The following FER1L5 variants were observed in gnomAD, a reference collection of about 807,000 sequenced individuals.
FER1L5 encodes fer-1 like family member 5.
Under a neutral mutation model 279.9 loss-of-function variants are expected in FER1L5, and 187 were observed. The observed-to-expected ratio is 0.67, with a 90% CI of 0.59 to 0.75. The LOEUF (loss-of-function observed/expected upper bound fraction) is 0.75, where lower values mean the gene tolerates loss of function less well. Ranked by LOEUF, FER1L5 falls within the 30% of genes least tolerant of loss-of-function variation. The pLI, the probability that FER1L5 is intolerant of heterozygous loss-of-function variation, is 0.00. For missense variants in FER1L5, 2,091 were observed against 2,594.4 expected, an observed-to-expected ratio of 0.81 and a Z score of 4.21; for synonymous variants, 921 against 989.7, an observed-to-expected ratio of 0.93 and a Z score of 1.30.
At position 96,695,867 on chromosome 2, in the gene FER1L5, C is replaced by T; in HGVS notation, c.4020C>T (p.Asp1340=). 1 of 1,613,674 alleles carries T rather than the reference C, an allele frequency of 6.2e-7. No homozygotes were observed. Among genetic ancestry groups the T allele is most frequent in the Admixed American group, 1.7e-5 (1 of 59,976 alleles). The part of the protein sequence containing the change: ...NIDFLQPYFC[D]PWAQDYMHPK... ...ACTTCCTCCAGCCCTACTTCTGTGA[C>T]CCCTGGGCTCAAGACTATATGCACC... Residue 1340 remains aspartate, a synonymous_variant, in exon 36 of 53, where the codon GAC becomes GAT. Coordinates refer to ENST00000624922, the MANE Select transcript of FER1L5 (RefSeq NM_001293083.2).
At chr2:96,697,008 T>C (rs1281902885) in intron 37 of FER1L5, among the ~76,000 whole-genome samples, 3 of 152,232 alleles carry the variant, frequency 2.0e-5, no homozygotes, top group Non-Finnish European at 1.5e-5. Context: ...CCTCCCAAAG[T>C]GCTGAGGTTA....
chr2:96,698,898 C>T lies in FER1L5; in HGVS notation c.4518+66C>T. On this transcript the variant is annotated intron_variant, in intron 41 of 52. Transcript: ENST00000624922. The surrounding 1 kb of genome is among the most constrained non-coding windows in gnomAD (Gnocchi z 5.5). ...TCCCCTCAACCCATCTCTGGGAGCC[C>T]CCTCCGACTGCTGACACACAGAATG... 6.5e-7 allele frequency: 1 copy of T among 1,537,776 alleles called. No individual in the cohort carries two copies. Among genetic ancestry groups the T allele is most frequent in the Non-Finnish European group, 8.8e-7 (1 of 1,135,736 alleles).
At position 96,690,378 on chromosome 2, in the gene FER1L5, G is replaced by C. The variant is rs1035195308; in HGVS notation, c.2641-109G>C. On this transcript the variant is annotated intron_variant, in intron 26 of 52. Coordinates refer to ENST00000624922, the MANE Select transcript of FER1L5 (RefSeq NM_001293083.2). ...GCAAGCACAGTCTGGCCTGGAGTGG[G>C]AGGCTGCTGCGGCCACAGCAGGCAC... The C allele has an allele frequency of 3.2e-6, 3 of 942,940 alleles. No homozygotes were observed. In the African/African-American group the frequency reaches 4.9e-5, roughly 15 times the overall value. 58.4% of individuals were successfully genotyped at this position (942,940 alleles called of 1,614,324 possible). A position where few individuals can be genotyped will look rare whatever the true frequency, so the allele number is the denominator to read the frequency against.
chr2:96,671,697 A>G (rs781655746), intron 18 of FER1L5, among the ~76,000 whole-genome samples: 18 of 152,232 alleles, frequency 1.2e-4, no homozygotes, highest in Non-Finnish European at 2.2e-4. Flanking sequence ...GAGGGAAGCT[A>G]TGAGGATGCC....
chr2:96,688,367 C>T (rs1025387820), intron 24 of FER1L5, among the ~76,000 whole-genome samples: 3 of 152,296 alleles, frequency 2.0e-5, no homozygotes, highest in East Asian at 3.9e-4. Flanking sequence ...CAGCCCGGGA[C>T]CCCTGCAGGC....
intron 32 of FER1L5, 32 bp downstream of exon 32, chr2:96,693,719 G>A (rs2077246358): frequency 6.5e-7 from 1 of 1,540,996 alleles, no homozygotes; most frequent in Non-Finnish European, 8.8e-7. Flanking sequence ...AAGGGGAAGA[G>A]GACCTACCTC....
At chr2:96,697,938 T>TG in intron 39 of FER1L5, 99 bp from the exon 40 acceptor site, 1 of 1,492,380 alleles carries the variant, frequency 6.7e-7, no homozygotes, top group South Asian at 1.3e-5. Context: ...GGCCGCTGAC[T>TG]GCCAGATGCT....
chr2:96,687,314 C>T (rs1239716183), intron 23 of FER1L5, among the ~76,000 whole-genome samples: 1 of 152,262 alleles, frequency 6.6e-6, no homozygotes, highest in African/African-American at 2.4e-5. Context: ...ACGCAAGGCT[C>T]CTTCCATGAC....
chr2:96,673,581 T>G (rs1300191438), intron 19 of FER1L5, among the ~76,000 whole-genome samples: 2 of 152,118 alleles, frequency 1.3e-5, no homozygotes, highest in African/African-American at 4.8e-5. Context: ...CGCATCCATC[T>G]ATTTTTTATC....
intron 8 of FER1L5, 116 bp from the exon 9 acceptor site, chr2:96,654,330 A>G: frequency 2.5e-6 from 1 of 394,568 alleles, no homozygotes; most frequent in Non-Finnish European, 4.5e-6. Flanking sequence ...CTGCCCCATT[A>G]GGAAGCATTC....
rs1573981364 is a variant in FER1L5, at chr2:96,702,972, C to T, written c.5398-6C>T. 2 of 1,609,800 alleles carry T rather than the reference C, an allele frequency of 1.2e-6. No individual in the cohort carries two copies. The highest frequency in any genetic ancestry group is 1.7e-5 in the Admixed American group (1 of 59,530). ...CCGGTAACACGCCCTTCCGCCATTT[C>T]CCCAGGATTACATATGGAGCCTGGA... On this transcript the variant is annotated splice_region_variant and splice_polypyrimidine_tract_variant and intron_variant, in intron 48 of 52. Transcript: ENST00000624922. This position sits in a 1 kb window ranked among gnomAD's most constrained non-coding sequence, Gnocchi z 4.0.
chr2:96,647,805 C>G lies in FER1L5; in HGVS notation c.258C>G (p.Leu86=), dbSNP rs779884686. Residue 86 remains leucine (L), a synonymous_variant, in exon 4 of 53, where the codon CTC becomes CTG. Transcript: ENST00000624922. ...TCATTGGCCTGGCCACAGTACTGCT[C>G]AAGCCATTGTTGAAACAACCAAGTG... ...ERFIGLATVL[L]KPLLKQPSEV... The G allele has an allele frequency of 9.0e-6, 14 of 1,551,720 alleles. No homozygotes were observed. The highest frequency in any genetic ancestry group is 7.1e-5 in the South Asian group (6 of 84,062).
At chr2:96,666,210 G>A (rs559404561) in intron 14 of FER1L5, among the ~76,000 whole-genome samples, 5 of 148,828 alleles carry the variant, frequency 3.4e-5, no homozygotes, top group Non-Finnish European at 4.4e-5. Flanking sequence ...TGGTCAGTCC[G>A]AGGGCCCCAG....
At chr2:96,681,598 T>C (rs190370493) in intron 19 of FER1L5, among the ~76,000 whole-genome samples, 2 of 152,032 alleles carry the variant, frequency 1.3e-5, no homozygotes, top group Admixed American at 1.3e-4. Flanking sequence ...TGATATGATA[T>C]AAAAAATCAT....
intron 14 of FER1L5, among the ~76,000 whole-genome samples, chr2:96,665,921 C>T (rs1214113996): frequency 6.6e-6 from 1 of 152,092 alleles, no homozygotes. Context: ...ACCAATGGCA[C>T]AGGCCAGGCC....
chr2:96,685,447 C>T lies in FER1L5; in HGVS notation c.1895+18C>T. On this transcript the variant is annotated intron_variant, in intron 21 of 52. Transcript: ENST00000624922. ...GACTGCAAGTAGGAGTAGGGGCACTCCGGGATACAGCTGGCCTGGAGCTGA... is the reference window on the plus strand; with the variant it reads ...GACTGCAAGTAGGAGTAGGGGCACTTCGGGATACAGCTGGCCTGGAGCTGA... 1.3e-6 allele frequency: 2 copies of T among 1,544,208 alleles called. No homozygotes were observed. Among genetic ancestry groups the T allele is most frequent in the Non-Finnish European group, 1.8e-6 (2 of 1,142,666 alleles).
chr2:96,693,858 G>C, intron 32 of FER1L5, 53 bp from the exon 33 acceptor site: 2 of 1,504,332 alleles, frequency 1.3e-6, no homozygotes, highest in South Asian at 1.3e-5. Flanking sequence ...AGCCCAGACA[G>C]AGCTGGGCCC....
intron 6 of FER1L5, among the ~76,000 whole-genome samples, chr2:96,651,237 CTCTTTCTTTCTTTCTTTCTTTCTTTCTT>C (rs70964882): frequency 1.3e-4 from 17 of 128,622 alleles, no homozygotes; most frequent in African/African-American, 1.8e-4. Flanking sequence ...TTCTTTCTTT[CTCTTTCTTTCTTTCTTTCTTTCTTTCTT>C]TCTTTCTTTC....
Position 96,702,548 on chromosome 2 carries a change from G to A in FER1L5, c.5256-52G>A. The A allele has an allele frequency of 1.3e-6, 2 of 1,552,040 alleles. No homozygotes were observed. The highest frequency in any genetic ancestry group is 1.2e-5 in the South Asian group (1 of 84,162). Reference sequence around the variant, plus strand: ...CAGCCCTTCCCATGGGGCTCCAGCTGGGGGATGGGGCCAATGCACATGAGC... The same window carrying A: ...CAGCCCTTCCCATGGGGCTCCAGCTAGGGGATGGGGCCAATGCACATGAGC... On this transcript the variant is annotated intron_variant, in intron 47 of 52. Transcript: ENST00000624922. This position sits in a 1 kb window ranked among gnomAD's most constrained non-coding sequence, Gnocchi z 4.0.
Sources: allele counts gnomAD v4.1 joint callset (sites outside exome capture counted in the v4.1 genomes callset), GRCh38; gene constraint gnomAD v4.1.1; non-coding constraint Gnocchi (gnomAD v3.1); transcripts MANE v1.5; gene names NCBI Gene and HGNC (gene_info 2026-07-23, HGNC 2026-07-21).